Variants in OR8D1 observed in about 807,000 individuals in gnomAD.
OR8D1 encodes olfactory receptor 8D1.
For missense variants in OR8D1, 384 were observed against 366.8 expected (o/e 1.05, Z -0.38); for synonymous variants, 143 against 147.0 (o/e 0.97, Z 0.20).
rs921390421 is a variant in OR8D1 at position 124,305,883 on chromosome 11, A to C, written c.*3957T>G. On this transcript the variant is annotated 3_prime_UTR_variant, in exon 3 of 3. Coordinates refer to ENST00000641015, the MANE Select transcript of OR8D1 (RefSeq NM_001002917.2). ...TCTGTTAAAGCACTACGGATTTTTC[A>C]TTCAAGCCGTCATACATATCAGTAT... 1 of 151,968 alleles carries C rather than the reference A, an allele frequency of 6.6e-6. No individual in the cohort carries two copies. Among genetic ancestry groups the C allele is most frequent in the South Asian group, 2.1e-4 (1 of 4,836 alleles). The allele number at this position is 151,968 out of a possible 1,614,324, so 9.4% of individuals were successfully genotyped here. A position where few individuals can be genotyped will look rare whatever the true frequency, so the allele number is the denominator to read the frequency against.
At position 124,304,123 on chromosome 11, in the gene OR8D1, C is replaced by T. The variant is rs554944340; in HGVS notation, c.*5717G>A. 2.6e-5 allele frequency: 4 copies of T among 152,022 alleles called. No homozygotes were observed. Among genetic ancestry groups the T allele is most frequent in the Non-Finnish European group, 5.9e-5 (4 of 67,906 alleles). The allele number at this position is 152,022 out of a possible 1,614,324, so 9.4% of individuals were successfully genotyped here. On this transcript the variant is annotated 3_prime_UTR_variant, in exon 3 of 3. Coordinates refer to ENST00000641015, the MANE Select transcript of OR8D1 (RefSeq NM_001002917.2). Reference sequence around the variant, plus strand: ...TTGTTATCTGGTTTTTTAGAGAAAACATGTCAGTCTCTAATGTAGGCCATT... The same window carrying T: ...TTGTTATCTGGTTTTTTAGAGAAAATATGTCAGTCTCTAATGTAGGCCATT...
rs901650430 is a variant in OR8D1, at chr11:124,307,765, A to G, written c.*2075T>C. ...GATGGGATAATAATTGGTTATTTTC[A>G]CAGTTTTCCAGCTTGTCCACATGCT... On this transcript the variant is annotated 3_prime_UTR_variant, in exon 3 of 3. Transcript: ENST00000641015. 3.9e-5 allele frequency: 6 copies of G among 152,116 alleles called. No homozygotes were observed. Among genetic ancestry groups the G allele is most frequent in the Admixed American group, 1.3e-4 (2 of 15,232 alleles). 9.4% of individuals were successfully genotyped at this position (152,116 alleles called of 1,614,324 possible). A position where few individuals can be genotyped will look rare whatever the true frequency, so the allele number is the denominator to read the frequency against.
chr11:124,306,794 T>C lies in OR8D1; in HGVS notation c.*3046A>G, dbSNP rs965701254. 3 of 152,044 alleles carry C rather than the reference T, an allele frequency of 2.0e-5. No homozygotes were observed. The highest frequency in any genetic ancestry group is 1.3e-4 in the Admixed American group (2 of 15,226). The allele number at this position is 152,044 out of a possible 1,614,324, so 9.4% of individuals were successfully genotyped here. On this transcript the variant is annotated 3_prime_UTR_variant, in exon 3 of 3. Coordinates refer to ENST00000641015, the MANE Select transcript of OR8D1 (RefSeq NM_001002917.2). ...TGTAGGAAGAATGAGACACCTCTCC[T>C]GGCTTCTGATGTTCCCATCCCTGAG...
In OR8D1 at chr11:124,307,184, A is replaced by C. The variant is rs1862375777; in HGVS notation, c.*2656T>G. 6.6e-6 allele frequency: 1 copy of C among 151,960 alleles called. No individual in the cohort carries two copies. Among genetic ancestry groups the C allele is most frequent in the African/African-American group, 2.4e-5 (1 of 41,434 alleles). The allele number at this position is 151,960 out of a possible 1,614,324, so 9.4% of individuals were successfully genotyped here. A position where few individuals can be genotyped will look rare whatever the true frequency, so the allele number is the denominator to read the frequency against. On this transcript the variant is annotated 3_prime_UTR_variant, in exon 3 of 3. Transcript: ENST00000641015. Reference sequence around the variant, plus strand: ...ATGAAGAACTTAACAGCAAAAGTAGATTTAAGTACAAAAGTGTACTTACAA... The same window carrying C: ...ATGAAGAACTTAACAGCAAAAGTAGCTTTAAGTACAAAAGTGTACTTACAA...
Position 124,307,588 on chromosome 11 carries a change from G to A in OR8D1, c.*2252C>T, listed in dbSNP as rs754157120. ...AGTAATTGTAGGCTGGATAGTTTGA[G>A]CAACCTTAGCAACTGCGAAAGCCAC... is the stretch of plus-strand genomic sequence containing the variant. On this transcript the variant is annotated 3_prime_UTR_variant, in exon 3 of 3. Coordinates refer to ENST00000641015, the MANE Select transcript of OR8D1 (RefSeq NM_001002917.2). The A allele has an allele frequency of 4.6e-5, 7 of 152,118 alleles. No homozygotes were observed. Among genetic ancestry groups the A allele is most frequent in the Non-Finnish European group, 8.8e-5 (6 of 68,022 alleles). 9.4% of individuals were successfully genotyped at this position (152,118 alleles called of 1,614,324 possible).
chr11:124,310,362 G>A lies in OR8D1; in HGVS notation c.405C>T (p.Ile135=). ...GCAGTGAGCAGACCCATGAGGACAT[G>A]ATCGCATTATAAAGCAGTGGGCTAC... ...AICSPLLYNA[I]MSSWVCSLLV... Residue 135 remains isoleucine, a synonymous_variant, in exon 3 of 3, where the codon ATC becomes ATT. Transcript: ENST00000641015. The A allele has an allele frequency of 6.2e-7, 1 of 1,613,640 alleles. No individual in the cohort carries two copies.
At position 124,309,642 on chromosome 11, in the gene OR8D1, A is replaced by G. The variant is rs1359149018; in HGVS notation, c.*198T>C. On this transcript the variant is annotated 3_prime_UTR_variant, in exon 3 of 3. Transcript: ENST00000641015. Reference sequence around the variant, plus strand: ...TACCTAGACCTTAGTTTTCCTATCAAAAGATAAGAATGTTAATACCTGCTT... The same window carrying G: ...TACCTAGACCTTAGTTTTCCTATCAGAAGATAAGAATGTTAATACCTGCTT... 1 of 345,992 alleles carries G rather than the reference A, an allele frequency of 2.9e-6. No homozygotes were observed. The highest frequency in any genetic ancestry group is 5.2e-6 in the Non-Finnish European group (1 of 193,796). 21.4% of individuals were successfully genotyped at this position (345,992 alleles called of 1,614,324 possible). A position where few individuals can be genotyped will look rare whatever the true frequency, so the allele number is the denominator to read the frequency against.
Position 124,307,993 on chromosome 11 carries a change from A to G in OR8D1, c.*1847T>C, listed in dbSNP as rs952681736. 5 of 152,172 alleles carry G rather than the reference A, an allele frequency of 3.3e-5. No homozygotes were observed. The allele number at this position is 152,172 out of a possible 1,614,324, so 9.4% of individuals were successfully genotyped here. A position where few individuals can be genotyped will look rare whatever the true frequency, so the allele number is the denominator to read the frequency against. ...GGTCTTAGCATAAAAATAATATTGC[A>G]TCTAAATATACTGAGAAAGAGAAAC... is the stretch of plus-strand genomic sequence containing the variant. On this transcript the variant is annotated 3_prime_UTR_variant, in exon 3 of 3. Transcript: ENST00000641015.
At position 124,313,811 on chromosome 11, in the gene OR8D1, T is replaced by C. The variant is rs1237841160; in HGVS notation, c.-212A>G. 6.6e-6 allele frequency: 1 copy of C among 152,164 alleles called. No homozygotes were observed. Among genetic ancestry groups the C allele is most frequent in the Non-Finnish European group, 1.5e-5 (1 of 68,024 alleles). 9.4% of individuals were successfully genotyped at this position (152,164 alleles called of 1,614,324 possible). A position where few individuals can be genotyped will look rare whatever the true frequency, so the allele number is the denominator to read the frequency against. On this transcript the variant is annotated 5_prime_UTR_variant, in exon 1 of 3. Transcript: ENST00000641015. ...TAATAGCCAACAAAGAACAAAGTCT[T>C]TCCCACTACCTTATACACACATTTA...
At position 124,303,916 on chromosome 11, in the gene OR8D1, T is replaced by C. The variant is rs979096769; in HGVS notation, c.*5924A>G. ...ATCCAGCCCAGAGTTTAGTATTGTT[T>C]ATGAGCTAATATCACTTTTTACATT... is the stretch of plus-strand genomic sequence containing the variant. On this transcript the variant is annotated 3_prime_UTR_variant, in exon 3 of 3. Coordinates refer to ENST00000641015, the MANE Select transcript of OR8D1 (RefSeq NM_001002917.2). 1.3e-5 allele frequency: 2 copies of C among 151,938 alleles called. No individual in the cohort carries two copies. The highest frequency in any genetic ancestry group is 4.8e-5 in the African/African-American group (2 of 41,404). The allele number at this position is 151,938 out of a possible 1,614,324, so 9.4% of individuals were successfully genotyped here.
In OR8D1 at chr11:124,310,106, T is replaced by C. The variant is rs967103839; in HGVS notation, c.661A>G (p.Ile221Val). Residue 221 changes from isoleucine to valine, a missense_variant, in exon 3 of 3, where the codon ATC (isoleucine) becomes GTC (valine). Coordinates refer to ENST00000641015, the MANE Select transcript of OR8D1 (RefSeq NM_001002917.2). ...CGGATGTGAAGGATGCTGTAGAGGA[T>C]GAAGGCATAGGAGACAGCAACAGCT... The part of the protein sequence containing the change: ...TLAVAVSYAF[I>V]LYSILHIRSS... 3 of 1,613,528 alleles carry C rather than the reference T, an allele frequency of 1.9e-6. No homozygotes were observed. Among genetic ancestry groups the C allele is most frequent in the Non-Finnish European group, 8.5e-7 (1 of 1,179,850 alleles).
Position 124,310,445 on chromosome 11 carries a change from C to A in OR8D1, c.322G>T (p.Val108Leu). Residue 108 changes from valine (V) to leucine (L), a missense_variant, in exon 3 of 3, where the codon GTG becomes TTG. Physicochemically the swap from Val to Leu is conservative, Grantham distance 32 (BLOSUM62 1). Transcript: ENST00000641015. ...MVQLFFFVVF[V>L]VAEGYLLTAM... ...GTCAGGAGGTAACCCTCAGCCACCA[C>A]AAAGACCACAAAGAAAAAGAGCTGG... 2 of 1,613,556 alleles carry A rather than the reference C, an allele frequency of 1.2e-6. No homozygotes were observed. The highest frequency in any genetic ancestry group is 1.1e-5 in the South Asian group (1 of 91,072).
intron 1 of OR8D1, among the ~76,000 whole-genome samples, chr11:124,313,090 C>T (rs1862436428): frequency 6.6e-6 from 1 of 151,566 alleles, no homozygotes; most frequent in Non-Finnish European, 1.5e-5. Flanking sequence ...AGGAGAATCG[C>T]TTGAACCTGG....
rs1447594295 is a variant in OR8D1, at chr11:124,310,053, A to G, written c.714T>C (p.Phe238=). The change falls in exon 3 of 3, where the codon TTT becomes TTC. Residue 238 remains phenylalanine, a synonymous_variant. Coordinates refer to ENST00000641015, the MANE Select transcript of OR8D1 (RefSeq NM_001002917.2). ...IRSSEGRSKA[F]GTCSSHLMAV... Reference sequence around the variant, plus strand: ...CCATGAGATGAGAGCTGCATGTTCCAAAAGCTTTGGACCGGCCCTCTGAGG... The same window carrying G: ...CCATGAGATGAGAGCTGCATGTTCCGAAAGCTTTGGACCGGCCCTCTGAGG... The G allele has an allele frequency of 5.0e-6, 8 of 1,613,076 alleles. No homozygotes were observed. The highest frequency in any genetic ancestry group is 6.8e-6 in the Non-Finnish European group (8 of 1,179,466).
rs1317688795 is a variant in OR8D1, at chr11:124,305,052, A to C, written c.*4788T>G. 1 of 151,952 alleles carries C rather than the reference A, an allele frequency of 6.6e-6. No individual in the cohort carries two copies. The highest frequency in any genetic ancestry group is 2.4e-5 in the African/African-American group (1 of 41,424). 9.4% of individuals were successfully genotyped at this position (151,952 alleles called of 1,614,324 possible). ...TTAGTGTGTGTGTATGGTGTCAGGC[A>C]TTGAATCAGGTTCAGCTTTTGGATA... On this transcript the variant is annotated 3_prime_UTR_variant, in exon 3 of 3. Coordinates refer to ENST00000641015, the MANE Select transcript of OR8D1 (RefSeq NM_001002917.2).
In OR8D1 at chr11:124,304,186, G is replaced by T. The variant is rs1269831908; in HGVS notation, c.*5654C>A. On this transcript the variant is annotated 3_prime_UTR_variant, in exon 3 of 3. Transcript: ENST00000641015. ...GAAAGTTTTTTTGTGTTTATATCCA[G>T]TATGAGTATTTACTTCTTCCAAAGA... The T allele has an allele frequency of 6.6e-6, 1 of 151,880 alleles. No homozygotes were observed. Among genetic ancestry groups the T allele is most frequent in the African/African-American group, 2.4e-5 (1 of 41,408 alleles). The allele number at this position is 151,880 out of a possible 1,614,324, so 9.4% of individuals were successfully genotyped here. A position where few individuals can be genotyped will look rare whatever the true frequency, so the allele number is the denominator to read the frequency against.
Position 124,309,796 on chromosome 11 carries a change from G to T in OR8D1, c.*44C>A. The T allele has an allele frequency of 9.2e-7, 1 of 1,092,892 alleles. No homozygotes were observed. Among genetic ancestry groups the T allele is most frequent in the Non-Finnish European group, 1.3e-6 (1 of 790,782 alleles). 67.7% of individuals were successfully genotyped at this position (1,092,892 alleles called of 1,614,324 possible). On this transcript the variant is annotated 3_prime_UTR_variant, in exon 3 of 3. Coordinates refer to ENST00000641015, the MANE Select transcript of OR8D1 (RefSeq NM_001002917.2). ...TAGAAAAAAGGAATATATGTTCATT[G>T]GAACTATTCATTTTTCCCATCTATA...
intron 1 of OR8D1, among the ~76,000 whole-genome samples, chr11:124,312,835 AC>A (rs1357132284): frequency 6.6e-6 from 1 of 151,676 alleles, no homozygotes; most frequent in Non-Finnish European, 1.5e-5. Flanking sequence ...TATGTTTAAT[AC>A]TCTGTCCAAA....
rs545699463 is a variant in OR8D1, at chr11:124,313,808, T to C, written c.-209A>G. The stretch of plus-strand genomic sequence containing the variant: ...CTGTAATAGCCAACAAAGAACAAAG[T>C]CTTTCCCACTACCTTATACACACAT... On this transcript the variant is annotated 5_prime_UTR_variant, in exon 1 of 3. Coordinates refer to ENST00000641015, the MANE Select transcript of OR8D1 (RefSeq NM_001002917.2). The C allele has an allele frequency of 6.6e-6, 1 of 152,288 alleles. No homozygotes were observed. Among genetic ancestry groups the C allele is most frequent in the African/African-American group, 2.4e-5 (1 of 41,554 alleles). 9.4% of individuals were successfully genotyped at this position (152,288 alleles called of 1,614,324 possible).
Sources: allele counts gnomAD v4.1 joint callset (sites outside exome capture counted in the v4.1 genomes callset), GRCh38; gene constraint gnomAD v4.1.1; transcripts MANE v1.5; gene names NCBI Gene and HGNC (gene_info 2026-07-23, HGNC 2026-07-21).